TMEM8B: variants seen among roughly 807,000 people sequenced by gnomAD.
The protein encoded by TMEM8B is nasopharyngeal carcinoma expressed 6.
TMEM8B carries 29 observed loss-of-function variants against 49.3 expected under a neutral mutation model. That is an observed-to-expected ratio of 0.59 (90% CI 0.44 to 0.80). The LOEUF (loss-of-function observed/expected upper bound fraction) is 0.80, where lower values mean the gene tolerates loss of function less well. TMEM8B is among the 30% of genes least tolerant of loss of function. TMEM8B has a pLI of 0.00. For synonymous variants in TMEM8B, 264 were observed against 272.8 expected (o/e 0.97, Z 0.32); for missense variants, 575 against 658.5 (o/e 0.87, Z 1.39).
In TMEM8B at chr9:35,829,512, C is replaced by T; in HGVS notation, c.65C>T (p.Pro22Leu). 1 of 394,916 alleles carries T rather than the reference C, an allele frequency of 2.5e-6. No homozygotes were observed. Among genetic ancestry groups the T allele is most frequent in the Admixed American group, 4.4e-5 (1 of 22,594 alleles). 24.5% of individuals were successfully genotyped at this position (394,916 alleles called of 1,614,324 possible). A position where few individuals can be genotyped will look rare whatever the true frequency, so the allele number is the denominator to read the frequency against. ...SQSPPWPPAP[P>L]SPRFPHRPQP... is the part of the protein sequence containing the mutation. The stretch of plus-strand genomic sequence containing the variant: ...TCCCCGCCTTGGCCCCCAGCCCCGC[C>T]CTCGCCCCGCTTCCCACATCGGCCC... Residue 22 changes from proline to leucine, a missense_variant, in exon 1 of 13, where the codon CCC becomes CTC. Coordinates refer to ENST00000643932, the MANE Select transcript of TMEM8B (RefSeq NM_001042590.4).
chr9:35,851,903 C>G (rs1346687804), intron 10 of TMEM8B, among the ~76,000 whole-genome samples: 1 of 152,166 alleles, frequency 6.6e-6, no homozygotes, highest in East Asian at 1.9e-4. Flanking sequence ...TCTTTTTCAT[C>G]TTTTGTCTCT....
chr9:35,853,516 C>G lies in TMEM8B; in HGVS notation c.2451C>G (p.Ser817Arg), dbSNP rs562492263. ...TCTGTCTCCCCCAGACAGTACGCAG[C>G]GTCCGCCGCCGGCACTGCTACCCAC... is the stretch of plus-strand genomic sequence containing the variant. ...GILATAWTVR[S>R]VRRRHCYPPT... is the part of the protein sequence containing the mutation. The change falls in exon 13 of 13, where the codon AGC becomes AGG. Residue 817 changes from serine (S) to arginine (R), a missense_variant. By Grantham distance (110) the Ser-to-Arg change is moderately radical. Coordinates refer to ENST00000643932, the MANE Select transcript of TMEM8B (RefSeq NM_001042590.4). This position sits in a 1 kb window ranked among gnomAD's most constrained non-coding sequence, Gnocchi z 4.2. The G allele has an allele frequency of 1.2e-6, 2 of 1,612,366 alleles. No homozygotes were observed. Among genetic ancestry groups the G allele is most frequent in the Admixed American group, 3.3e-5 (2 of 59,976 alleles).
intron 3 of TMEM8B, chr9:35,835,435 G>T: frequency 2.6e-6 from 1 of 385,950 alleles, no homozygotes; most frequent in Non-Finnish European, 4.6e-6. Flanking sequence ...GGACATGCTG[G>T]GTCCAGGTAA....
In TMEM8B at chr9:35,854,041, A is replaced by G; in HGVS notation, c.*201A>G. The G allele has an allele frequency of 3.8e-6, 5 of 1,301,848 alleles. No homozygotes were observed. The highest frequency in any genetic ancestry group is 4.9e-6 in the Non-Finnish European group (5 of 1,029,926). The allele number at this position is 1,301,848 out of a possible 1,614,324, so 80.6% of individuals were successfully genotyped here. A position where few individuals can be genotyped will look rare whatever the true frequency, so the allele number is the denominator to read the frequency against. On this transcript the variant is annotated 3_prime_UTR_variant, in exon 13 of 13. Coordinates refer to ENST00000643932, the MANE Select transcript of TMEM8B (RefSeq NM_001042590.4). Reference sequence around the variant, plus strand: ...TGAGGGCCTGGAGTCCCCCTGCATCATGGAGTCCTTCTTAAGGACTGGAGC... The same window carrying G: ...TGAGGGCCTGGAGTCCCCCTGCATCGTGGAGTCCTTCTTAAGGACTGGAGC...
chr9:35,834,242 TTTTTTG>T (rs1265197602), intron 1 of TMEM8B, among the ~76,000 whole-genome samples: 2 of 151,996 alleles, frequency 1.3e-5, no homozygotes, highest in East Asian at 1.9e-4. Context: ...AAAGGAGGGT[TTTTTTG>T]TTTTTGTTTT....
Position 35,860,841 on chromosome 9 carries a change from G to A in TMEM8B, c.*7001G>A, listed in dbSNP as rs965803117. On this transcript the variant is annotated 3_prime_UTR_variant, in exon 13 of 13. Transcript: ENST00000643932. ...GGAAGCCAGGCACGAATCTGGTGGA[G>A]GTGCGGTCAGTTGTGACCAGCTTTG... is the stretch of plus-strand genomic sequence containing the variant. 1.3e-5 allele frequency: 2 copies of A among 152,280 alleles called. No individual in the cohort carries two copies. The highest frequency in any genetic ancestry group is 4.8e-5 in the African/African-American group (2 of 41,448). 9.4% of individuals were successfully genotyped at this position (152,280 alleles called of 1,614,324 possible). A position where few individuals can be genotyped will look rare whatever the true frequency, so the allele number is the denominator to read the frequency against.
chr9:35,838,303 A>C (rs1013506008), intron 3 of TMEM8B, among the ~76,000 whole-genome samples: 17 of 152,092 alleles, frequency 1.1e-4, no homozygotes, highest in Non-Finnish European at 2.5e-4. Flanking sequence ...CTAGCTGTTA[A>C]CTAGTCCCCT....
At chr9:35,848,334 G>A (rs770338367) in intron 10 of TMEM8B, among the ~76,000 whole-genome samples, 5 of 152,110 alleles carry the variant, frequency 3.3e-5, no homozygotes, top group South Asian at 4.1e-4. Context: ...TTTCTCTTTC[G>A]TATTGCCAGA....
In TMEM8B at chr9:35,855,116, C is replaced by T. The variant is rs1476402397; in HGVS notation, c.*1276C>T. On this transcript the variant is annotated 3_prime_UTR_variant, in exon 13 of 13. Coordinates refer to ENST00000643932, the MANE Select transcript of TMEM8B (RefSeq NM_001042590.4). ...CTCTCAGTCCTAAGGTTCTCTCTGCCACTTCTGGGCCATATGTGGAGACCC... is the reference window on the plus strand; with the variant it reads ...CTCTCAGTCCTAAGGTTCTCTCTGCTACTTCTGGGCCATATGTGGAGACCC... 1.3e-5 allele frequency: 2 copies of T among 152,154 alleles called. No individual in the cohort carries two copies. Among genetic ancestry groups the T allele is most frequent in the Non-Finnish European group, 2.9e-5 (2 of 68,028 alleles). The allele number at this position is 152,154 out of a possible 1,614,324, so 9.4% of individuals were successfully genotyped here.
chr9:35,835,587 C>A (rs1405716073), intron 3 of TMEM8B: 1 of 197,744 alleles, frequency 5.1e-6, no homozygotes, highest in African/African-American at 2.3e-5. Flanking sequence ...ACACCCAGGA[C>A]TGGTTTTATT....
At position 35,842,555 on chromosome 9, in the gene TMEM8B, C is replaced by T. The variant is rs1478352598; in HGVS notation, c.1473C>T (p.Arg491=). 1 of 1,614,210 alleles carries T rather than the reference C, an allele frequency of 6.2e-7. No homozygotes were observed. The highest frequency in any genetic ancestry group is 1.1e-5 in the South Asian group (1 of 91,088). ...CACCCGAGCACTGCTGGCCAGTGCG[C>T]CCGACTCTGCGCAACGAGCTGGACA... ...TSPPEHCWPV[R]PTLRNELDTF... Residue 491 remains arginine, a synonymous_variant, in exon 6 of 13, where the codon CGC becomes CGT. Transcript: ENST00000643932. The surrounding 1 kb of genome is among the most constrained non-coding windows in gnomAD (Gnocchi z 5.6).
intron 6 of TMEM8B, chr9:35,845,682 G>A (rs957366997): frequency 1.0e-6 from 1 of 985,468 alleles, no homozygotes; most frequent in South Asian, 4.7e-5. Context: ...GACTGAAAAA[G>A]AGGGTGTTCT....
At position 35,846,006 on chromosome 9, in the gene TMEM8B, T is replaced by C. The variant is rs1032679084; in HGVS notation, c.1667T>C (p.Phe556Ser). The C allele has an allele frequency of 6.2e-6, 10 of 1,613,726 alleles. No homozygotes were observed. In the Admixed American group the frequency reaches 1.2e-4, roughly 19 times the overall value. The change falls in exon 7 of 13, where the codon TTT (phenylalanine) becomes TCT (serine). Residue 556 changes from phenylalanine to serine, a missense_variant. By Grantham distance (155) the Phe-to-Ser change is radical (BLOSUM62 -2). Transcript: ENST00000643932. ...SSVRQENVTV[F>S]GCLTHEVPLS... ...GTGCGCCAGGAAAACGTGACGGTGTTTGGATGCTTGACTCACGAGGTGCCC... is the reference window on the plus strand; with the variant it reads ...GTGCGCCAGGAAAACGTGACGGTGTCTGGATGCTTGACTCACGAGGTGCCC...
rs1007581577 is a variant in TMEM8B at position 35,855,220 on chromosome 9, A to C, written c.*1380A>C. 6.6e-6 allele frequency: 1 copy of C among 152,220 alleles called. No homozygotes were observed. The highest frequency in any genetic ancestry group is 1.5e-5 in the Non-Finnish European group (1 of 68,054). The allele number at this position is 152,220 out of a possible 1,614,324, so 9.4% of individuals were successfully genotyped here. ...TCTGGGTTTTGACAGACAAGGCATG[A>C]GTTGCTGCATCTGTTAAAACTGCAA... On this transcript the variant is annotated 3_prime_UTR_variant, in exon 13 of 13. Transcript: ENST00000643932.
rs1830990088 is a variant in TMEM8B, at chr9:35,841,572, TGTG to T, written c.1088_1090del (p.Cys363_Val364delinsLeu). On this transcript the variant is annotated inframe_deletion, in exon 5 of 13. Coordinates refer to ENST00000643932, the MANE Select transcript of TMEM8B (RefSeq NM_001042590.4). The surrounding 1 kb of genome is among the most constrained non-coding windows in gnomAD (Gnocchi z 5.9). ...TTACAGGGTTTCAGCACAGCTGGTGTGTGTGGGGGGCCGTGGGGTATCTGCCTG... is the reference window on the plus strand; with the variant it reads ...TTACAGGGTTTCAGCACAGCTGGTGTTGGGGGGCCGTGGGGTATCTGCCTG... 4.8e-6 allele frequency: 2 copies of T among 416,732 alleles called. No homozygotes were observed. Among genetic ancestry groups the T allele is most frequent in the Non-Finnish European group, 8.8e-6 (2 of 227,102 alleles). The allele number at this position is 416,732 out of a possible 1,614,324, so 25.8% of individuals were successfully genotyped here.
Position 35,841,744 on chromosome 9 carries a change from C to A in TMEM8B, c.1259C>A (p.Ser420Tyr), listed in dbSNP as rs1357116056. 2 of 415,868 alleles carry A rather than the reference C, an allele frequency of 4.8e-6. No homozygotes were observed. The highest frequency in any genetic ancestry group is 8.8e-6 in the Non-Finnish European group (2 of 226,506). The allele number at this position is 415,868 out of a possible 1,614,324, so 25.8% of individuals were successfully genotyped here. A position where few individuals can be genotyped will look rare whatever the true frequency, so the allele number is the denominator to read the frequency against. ...HWVYVRVETS[S>Y]RGPGRTIRFQ... ...GTCTACGTGCGTGTGGAAACATCAT[C>A]CCGGGGCCCTGGTAGGACCATCCGC... The change falls in exon 5 of 13, where the codon TCC becomes TAC. Residue 420 changes from serine (S) to tyrosine (Y), a missense_variant. Physicochemically the swap from Ser to Tyr is moderately radical, Grantham distance 144. Transcript: ENST00000643932. This position sits in a 1 kb window ranked among gnomAD's most constrained non-coding sequence, Gnocchi z 5.9.
At position 35,829,383 on chromosome 9, in the gene TMEM8B, G is replaced by T; in HGVS notation, c.-65G>T. 2.7e-6 allele frequency: 1 copy of T among 374,816 alleles called. No homozygotes were observed. Among genetic ancestry groups the T allele is most frequent in the Non-Finnish European group, 4.7e-6 (1 of 211,784 alleles). 23.2% of individuals were successfully genotyped at this position (374,816 alleles called of 1,614,324 possible). A position where few individuals can be genotyped will look rare whatever the true frequency, so the allele number is the denominator to read the frequency against. Reference sequence around the variant, plus strand: ...GGCCACCCCCCGGGGGTGGGGAGCGGAGCCGCGGGCCAGCTCTGCGAGCGC... The same window carrying T: ...GGCCACCCCCCGGGGGTGGGGAGCGTAGCCGCGGGCCAGCTCTGCGAGCGC... On this transcript the variant is annotated 5_prime_UTR_variant, in exon 1 of 13. Coordinates refer to ENST00000643932, the MANE Select transcript of TMEM8B (RefSeq NM_001042590.4).
Position 35,837,181 on chromosome 9 carries a change from G to A in TMEM8B, c.906+1963G>A, listed in dbSNP as rs539579912. On this transcript the variant is annotated intron_variant, in intron 3 of 12. Transcript: ENST00000643932. ...AACTGAAGAGTCCCAGCGATAAGAA[G>A]GCAGTGTGTTTCTAGGGTCCTTCTC... Among the ~76,000 whole-genome samples, 4 of 152,272 alleles carry A rather than the reference G, an allele frequency of 2.6e-5. No individual in the cohort carries two copies. In the East Asian group the frequency reaches 7.7e-4, roughly 29 times the overall value.
rs935706726 is a variant in TMEM8B at position 35,857,336 on chromosome 9, C to T, written c.*3496C>T. 6.6e-6 allele frequency: 1 copy of T among 152,196 alleles called. No homozygotes were observed. Among genetic ancestry groups the T allele is most frequent in the Non-Finnish European group, 1.5e-5 (1 of 68,040 alleles). The allele number at this position is 152,196 out of a possible 1,614,324, so 9.4% of individuals were successfully genotyped here. On this transcript the variant is annotated 3_prime_UTR_variant, in exon 13 of 13. Transcript: ENST00000643932. ...ATGGGACAAGTGTGAAGTGGAAGAT[C>T]CTGACAAAGTGCTGTAGGATGTAAA...
Sources: gnomAD v4.1 joint callset for allele counts (sites outside exome capture counted in the v4.1 genomes callset) on GRCh38, gnomAD v4.1.1 for gene constraint, Gnocchi (gnomAD v3.1) non-coding constraint, MANE v1.5 for transcripts, NCBI Gene and HGNC (gene_info 2026-07-23, HGNC 2026-07-21) for gene names.